ISM1: variants seen among roughly 807,000 people sequenced by gnomAD.
The protein encoded by ISM1 is isthmin 1, also known as isthmin-1.
A neutral mutation model predicts 46.3 loss-of-function variants in ISM1; 25 were observed. That is an observed-to-expected ratio of 0.54 (90% confidence interval 0.39 to 0.75). The LOEUF (loss-of-function observed/expected upper bound fraction) is 0.75, where lower values mean the gene tolerates loss of function less well. ISM1 is among the 30% of genes least tolerant of loss of function. The probability of loss-of-function intolerance (pLI) is 0.00; values close to 1 mark genes in which losing one functional copy is unlikely to be tolerated. For synonymous variants in ISM1, 255 were observed against 256.7 expected, an observed-to-expected ratio of 0.99 and a Z score of 0.06; for missense variants, 536 against 625.4, an observed-to-expected ratio of 0.86 and a Z score of 1.52.
intron 1 of ISM1, among the ~76,000 whole-genome samples, chr20:13,241,426 C>A (rs775836505): frequency 1.1e-4 from 17 of 152,060 alleles, no homozygotes; most frequent in Non-Finnish European, 2.4e-4. Context: ...ATTGATGATG[C>A]AAAACTGAGA....
At chr20:13,262,720 A>T (rs575647221) in intron 1 of ISM1, among the ~76,000 whole-genome samples, 2 of 152,320 alleles carry the variant, frequency 1.3e-5, no homozygotes, top group African/African-American at 4.8e-5. Flanking sequence ...AAGACACACC[A>T]GTGAAGTGTT....
Position 13,288,807 on chromosome 20 carries a change from C to T in ISM1, c.787+124C>T, listed in dbSNP as rs555756669. ...TTTTCTTTTCTTTTTTTTTTTGAGA[C>T]GGAGTCTCTCCCTGTCGCCCAGGCT... On this transcript the variant is annotated intron_variant, in intron 4 of 5. Transcript: ENST00000262487. 90 of 963,026 alleles carry T rather than the reference C, an allele frequency of 9.3e-5. 1 individual carries two copies. The South Asian group carries it at 1.1e-3, about 11-fold the overall frequency. The allele number at this position is 963,026 out of a possible 1,614,324, so 59.7% of individuals were successfully genotyped here. A position where few individuals can be genotyped will look rare whatever the true frequency, so the allele number is the denominator to read the frequency against.
chr20:13,232,288 G>C (rs1370108638), intron 1 of ISM1, among the ~76,000 whole-genome samples: 2 of 152,152 alleles, frequency 1.3e-5, no homozygotes, highest in Non-Finnish European at 2.9e-5. Context: ...CATCTGAAAA[G>C]TTTCCTTGTG....
At chr20:13,324,017 C>G in the ISM1 span, among the ~76,000 whole-genome samples, 1 of 152,172 alleles carries the variant, frequency 6.6e-6, no homozygotes, top group East Asian at 1.9e-4. Flanking sequence ...ATCTCCCTTC[C>G]TATAAGGACA....
chr20:13,298,832 G>T, intron 5 of ISM1, 110 bp from the exon 6 acceptor site: 1 of 1,051,474 alleles, frequency 9.5e-7, no homozygotes, highest in Admixed American at 2.4e-5. Flanking sequence ...GTTGACTTTA[G>T]TGTCCTCCTG....
At chr20:13,267,773 A>G (rs1162949147) in intron 1 of ISM1, among the ~76,000 whole-genome samples, 1 of 152,228 alleles carries the variant, frequency 6.6e-6, no homozygotes, top group East Asian at 1.9e-4. Context: ...CATAGTAGGA[A>G]GAGTACTCCA....
chr20:13,222,032 A>G, intron 1 of ISM1, 118 bp downstream of exon 1: 2 of 1,013,840 alleles, frequency 2.0e-6, no homozygotes, highest in Non-Finnish European at 1.3e-6. Context: ...CCTAAGAGCA[A>G]CTGTTTTGGC....
chr20:13,260,631 A>T (rs2039979004), intron 1 of ISM1, among the ~76,000 whole-genome samples: 1 of 151,876 alleles, frequency 6.6e-6, no homozygotes, highest in Non-Finnish European at 1.5e-5. Flanking sequence ...TTAGTGTGAA[A>T]TAATTTCTCC....
intron 1 of ISM1, among the ~76,000 whole-genome samples, chr20:13,267,155 C>T (rs1247114881): frequency 1.3e-5 from 2 of 152,164 alleles, no homozygotes; most frequent in East Asian, 1.9e-4. Context: ...TTCTTAACAG[C>T]TTGGGGGCAT....
chr20:13,321,503 T>TA, the ISM1 span, among the ~76,000 whole-genome samples: 1 of 152,144 alleles, frequency 6.6e-6, no homozygotes, highest in Non-Finnish European at 1.5e-5. Flanking sequence ...CAGAAGCATC[T>TA]AAAACCCTCA....
downstream of ISM1, among the ~76,000 whole-genome samples, chr20:13,301,895 A>C (rs1233854137): frequency 6.6e-6 from 1 of 152,228 alleles, no homozygotes; most frequent in African/African-American, 2.4e-5. Flanking sequence ...TACTATGAAG[A>C]AATAGAGGCA....
At position 13,221,786 on chromosome 20, in the gene ISM1, C is replaced by T; in HGVS notation, c.10C>T (p.Leu4=). 6.9e-7 allele frequency: 1 copy of T among 1,450,718 alleles called. No homozygotes were observed. The highest frequency in any genetic ancestry group is 9.0e-7 in the Non-Finnish European group (1 of 1,106,892). 89.9% of individuals were successfully genotyped at this position (1,450,718 alleles called of 1,614,324 possible). Residue 4 remains leucine (L), a synonymous_variant, in exon 1 of 6, where the codon CTG becomes TTG. Transcript: ENST00000262487. MVR[L]AAELLLLLGL... ...CGCGCGTCTCAAAAGGATGGTGCGC[C>T]TGGCGGCCGAGCTGCTGCTGCTGCT...
chr20:13,317,568 A>G, the ISM1 span, among the ~76,000 whole-genome samples: 1 of 152,146 alleles, frequency 6.6e-6, no homozygotes, highest in African/African-American at 2.4e-5. Flanking sequence ...TAATCAAGAC[A>G]GTGTAGTACT....
At chr20:13,222,013 C>T in intron 1 of ISM1, 99 bp downstream of exon 1, 1 of 1,112,570 alleles carries the variant, frequency 9.0e-7, no homozygotes, top group Non-Finnish European at 1.2e-6. Context: ...AGGCAGGTCC[C>T]CTGCCCCACC....
rs199544117 is a variant in ISM1 at position 13,270,618 on chromosome 20, C to G, written c.253C>G (p.Arg85Gly). The change falls in exon 2 of 6, where the codon CGA becomes GGA. Residue 85 changes from arginine to glycine, a missense_variant. This residue lies in a region of ISM1 where 367 missense variants were observed against 376.1 expected (regional missense o/e 0.98). Transcript: ENST00000262487. Reference protein sequence around the residue: ...QAAHQPFPRPRFRQETGHPSL... With the variant: ...QAAHQPFPRPGFRQETGHPSL... Reference sequence around the variant, plus strand: ...TGCACACCAACCCTTCCCCAGACCGCGATTCCGACAAGAGACGGGGCACCC... The same window carrying G: ...TGCACACCAACCCTTCCCCAGACCGGGATTCCGACAAGAGACGGGGCACCC... 6.2e-7 allele frequency: 1 copy of G among 1,613,970 alleles called. No individual in the cohort carries two copies. The highest frequency in any genetic ancestry group is 8.5e-7 in the Non-Finnish European group (1 of 1,179,870).
chr20:13,229,249 T>C (rs1484726962), intron 1 of ISM1, among the ~76,000 whole-genome samples: 1 of 152,194 alleles, frequency 6.6e-6, no homozygotes, highest in Non-Finnish European at 1.5e-5. Flanking sequence ...CAGTTGTATA[T>C]GCCTATATAG....
intron 5 of ISM1, among the ~76,000 whole-genome samples, chr20:13,297,913 T>C (rs2040421915): frequency 6.6e-6 from 1 of 152,142 alleles, no homozygotes; most frequent in South Asian, 2.1e-4. Flanking sequence ...TGCCCCGGGC[T>C]CCTTCCTCTT....
chr20:13,298,775 G>A (rs1253459114), intron 5 of ISM1, among the ~76,000 whole-genome samples, 167 bp from the exon 6 acceptor site: 2 of 152,158 alleles, frequency 1.3e-5, no homozygotes, highest in Admixed American at 1.3e-4. Flanking sequence ...CCAGGGGGCT[G>A]CAGGGGTGTC....
At chr20:13,326,115 A>G in the ISM1 span, among the ~76,000 whole-genome samples, 1 of 152,152 alleles carries the variant, frequency 6.6e-6, no homozygotes, top group Non-Finnish European at 1.5e-5. Context: ...GGCCTTTGAG[A>G]TTCATCCAAG....
Sources: gnomAD v4.1 joint callset for allele counts (sites outside exome capture counted in the v4.1 genomes callset) on GRCh38, gnomAD v4.1.1 for gene constraint, gnomAD v4.1.1 regional missense constraint, MANE v1.5 for transcripts, NCBI Gene and HGNC (gene_info 2026-07-23, HGNC 2026-07-21) for gene names.